Variants in NOLC1 observed in about 807,000 individuals in gnomAD.
NOLC1 encodes the protein 140 kDa nucleolar phosphoprotein.
In NOLC1, 37 loss-of-function variants were observed where a neutral mutation model predicts 73.4. The observed-to-expected ratio is 0.50, with a 90% CI of 0.39 to 0.66. The LOEUF (loss-of-function observed/expected upper bound fraction) is 0.66, where lower values mean the gene tolerates loss of function less well. Ranked by LOEUF, NOLC1 falls within the 30% of genes least tolerant of loss-of-function variation. NOLC1 has a pLI of 0.00. For synonymous variants in NOLC1, 327 were observed against 302.6 expected (o/e 1.08, Z -0.84); for missense variants, 921 against 838.9 (o/e 1.10, Z -1.21).
intron 1 of NOLC1, 74 bp downstream of exon 1, chr10:102,152,604 C>T (rs757586785): frequency 4.4e-6 from 7 of 1,593,786 alleles, no homozygotes; most frequent in Non-Finnish European, 6.0e-6. Flanking sequence ...GCTTAGGTTT[C>T]CAGGTGGGGA....
rs2069629308 is a variant in NOLC1, at chr10:102,158,115, G to C, written c.508G>C (p.Asp170His). The C allele has an allele frequency of 6.2e-7, 1 of 1,614,054 alleles. No homozygotes were observed. Among genetic ancestry groups the C allele is most frequent in the South Asian group, 1.1e-5 (1 of 91,084 alleles). The change falls in exon 5 of 13, where the codon GAT (aspartate) becomes CAT (histidine). Residue 170 changes from aspartate (D) to histidine (H), a missense_variant. Physicochemically the swap from Asp to His is moderately conservative, Grantham distance 81. Coordinates refer to ENST00000605788, the MANE Select transcript of NOLC1 (RefSeq NM_004741.5). Reference sequence around the variant, plus strand: ...TAAGAAGGCCAAGAGCTCTGATTCTGATTCTGACTCAAGCTCCGAGGATGA... The same window carrying C: ...TAAGAAGGCCAAGAGCTCTGATTCTCATTCTGACTCAAGCTCCGAGGATGA... ...PPKKAKSSDS[D>H]SDSSSEDEPP...
rs778830089 is a variant in NOLC1 at position 102,161,636 on chromosome 10, C to T, written c.1822C>T (p.Pro608Ser). Reference protein sequence around the residue: ...PQAKKIKLQTPNTFPKRKKGE... With the variant: ...PQAKKIKLQTSNTFPKRKKGE... ...GGCCAAGAAGATAAAGCTTCAGACCCCTAACACATTTCCAAAAAGGAAGAA... is the reference window on the plus strand; with the variant it reads ...GGCCAAGAAGATAAAGCTTCAGACCTCTAACACATTTCCAAAAAGGAAGAA... The change falls in exon 11 of 13, where the codon CCT (proline) becomes TCT (serine). Residue 608 changes from proline (P) to serine (S), a missense_variant. Pro to Ser is a moderately conservative substitution (Grantham distance 74). Transcript: ENST00000605788. The T allele has an allele frequency of 1.2e-6, 2 of 1,613,814 alleles. No homozygotes were observed. The highest frequency in any genetic ancestry group is 1.7e-6 in the Non-Finnish European group (2 of 1,179,802).
chr10:102,157,111 C>T, intron 2 of NOLC1, 37 bp downstream of exon 2: 1 of 1,613,994 alleles, frequency 6.2e-7, no homozygotes, highest in Non-Finnish European at 8.5e-7. Flanking sequence ...TATTTTCTCC[C>T]CCAAGATAGG....
chr10:102,157,398 C>T (rs753775303), intron 3 of NOLC1, 33 bp from the exon 4 acceptor site: 22 of 1,613,676 alleles, frequency 1.4e-5, no homozygotes, highest in Admixed American at 5.0e-5. Context: ...TTTCACATGG[C>T]TGATTCTTAC....
At chr10:102,156,119 C>T (rs965103750) in intron 1 of NOLC1, among the ~76,000 whole-genome samples, 14 of 152,286 alleles carry the variant, frequency 9.2e-5, no homozygotes, top group East Asian at 3.9e-4. Flanking sequence ...GGATTATAGG[C>T]GTGAGCCACT....
intron 7 of NOLC1, 67 bp downstream of exon 7, chr10:102,159,635 C>T (rs1174659421): frequency 1.4e-5 from 21 of 1,517,170 alleles, no homozygotes; most frequent in Non-Finnish European, 4.5e-6. Context: ...ACCACATGGA[C>T]CTCTCCATAG....
rs898854827 is a variant in NOLC1, at chr10:102,162,467, G to T, written c.*198G>T. The T allele has an allele frequency of 4.6e-6, 2 of 438,598 alleles. No individual in the cohort carries two copies. The highest frequency in any genetic ancestry group is 7.9e-6 in the Non-Finnish European group (2 of 253,126). 27.2% of individuals were successfully genotyped at this position (438,598 alleles called of 1,614,324 possible). On this transcript the variant is annotated 3_prime_UTR_variant, in exon 13 of 13. Coordinates refer to ENST00000605788, the MANE Select transcript of NOLC1 (RefSeq NM_004741.5). ...GTTTTGTACAGACTTGTTTTTGAGT[G>T]TTGAGTAGCAGGGACAAAATAAGGG...
chr10:102,159,100 G>T, intron 5 of NOLC1, 93 bp from the exon 6 acceptor site: 1 of 851,988 alleles, frequency 1.2e-6, no homozygotes, highest in Non-Finnish European at 1.8e-6. Context: ...AAAAATGGTG[G>T]ACTCCTAAGT....
intron 4 of NOLC1, among the ~76,000 whole-genome samples, chr10:102,157,806 A>G (rs1479623685): frequency 6.6e-6 from 1 of 152,108 alleles, no homozygotes; most frequent in African/African-American, 2.4e-5. Flanking sequence ...CTTCTGGGAC[A>G]CTATTCAGGG....
chr10:102,160,043 G>T lies in NOLC1; in HGVS notation c.988+19G>T, dbSNP rs761500293. On this transcript the variant is annotated intron_variant, in intron 8 of 12. Transcript: ENST00000605788. ...GAGTCTGGTGAGTCAGAGGGATGCA[G>T]CCTCCCCTCAGCGTGGGTCTGGAGG... 2.5e-6 allele frequency: 4 copies of T among 1,609,838 alleles called. No individual in the cohort carries two copies. The highest frequency in any genetic ancestry group is 3.4e-6 in the Non-Finnish European group (4 of 1,177,880).
Position 102,160,647 on chromosome 10 carries a change from C to T in NOLC1, c.1295C>T (p.Ser432Phe), listed in dbSNP as rs1331019439. 4.3e-6 allele frequency: 7 copies of T among 1,614,094 alleles called. No individual in the cohort carries two copies. Among genetic ancestry groups the T allele is most frequent in the Non-Finnish European group, 5.9e-6 (7 of 1,179,988 alleles). ...AGCTCCAGTGAGGAAGAGAGCAGCT[C>T]CAGTGAGGAGGAGAAGACAAAGAAG... ...DSSSSEEESS[S>F]SEEEKTKKMV... The change falls in exon 10 of 13, where the codon TCC (serine) becomes TTC (phenylalanine). Residue 432 changes from serine (S) to phenylalanine (F), a missense_variant. By Grantham distance (155) the Ser-to-Phe change is radical. Coordinates refer to ENST00000605788, the MANE Select transcript of NOLC1 (RefSeq NM_004741.5).
rs770140181 is a variant in NOLC1 at position 102,159,459 on chromosome 10, C to T, written c.750C>T (p.Ala250=). ...KKTVPKKQVV[A]KAPVKAATTP... The stretch of plus-strand genomic sequence containing the variant: ...CTGTACCTAAAAAGCAAGTTGTGGC[C>T]AAGGCCCCAGTGAAAGCAGCTACCA... The change falls in exon 7 of 13, where the codon GCC becomes GCT. Residue 250 remains alanine, a synonymous_variant. Transcript: ENST00000605788. 3 of 1,614,086 alleles carry T rather than the reference C, an allele frequency of 1.9e-6. No homozygotes were observed. The highest frequency in any genetic ancestry group is 1.7e-6 in the Non-Finnish European group (2 of 1,180,022).
chr10:102,155,498 C>T (rs2069580753), intron 1 of NOLC1, among the ~76,000 whole-genome samples: 1 of 150,384 alleles, frequency 6.6e-6, no homozygotes, highest in Non-Finnish European at 1.5e-5. Context: ...GTTAGCGTAC[C>T]TGCGCCCGGC....
chr10:102,152,396 C>T lies in NOLC1; in HGVS notation c.-15C>T. The T allele has an allele frequency of 2.5e-6, 4 of 1,607,562 alleles. No homozygotes were observed. The highest frequency in any genetic ancestry group is 4.5e-5 in the East Asian group (2 of 44,882). ...TGCTGCGTCGACAACGGTAGTGACGCGTATTGCCTGGAGGATGGCGGACGC... is the reference window on the plus strand; with the variant it reads ...TGCTGCGTCGACAACGGTAGTGACGTGTATTGCCTGGAGGATGGCGGACGC... On this transcript the variant is annotated 5_prime_UTR_variant, in exon 1 of 13. Transcript: ENST00000605788.
intron 1 of NOLC1, among the ~76,000 whole-genome samples, chr10:102,153,298 G>A (rs2069536796): frequency 6.6e-6 from 1 of 152,228 alleles, no homozygotes; most frequent in African/African-American, 2.4e-5. Context: ...TCTTGTAAAA[G>A]TGAAAGCTGT....
At chr10:102,159,079 A>G in intron 5 of NOLC1, 114 bp from the exon 6 acceptor site, 1 of 1,086,558 alleles carries the variant, frequency 9.2e-7, no homozygotes, top group East Asian at 2.6e-5. Context: ...AAAAAAAAAA[A>G]AAAAAAAAAA....
At chr10:102,160,169 T>G in intron 8 of NOLC1, 64 bp from the exon 9 acceptor site, 1 of 1,595,732 alleles carries the variant, frequency 6.3e-7, no homozygotes, top group Admixed American at 1.7e-5. Context: ...TTTGCATTCT[T>G]TTTATTGCTG....
At position 102,161,081 on chromosome 10, in the gene NOLC1, G is replaced by A. The variant is rs113775074; in HGVS notation, c.1729G>A (p.Val577Ile). 821 of 1,607,910 alleles carry A rather than the reference G, an allele frequency of 5.1e-4. 6 individuals are homozygous for A. In the African/African-American group the frequency reaches 9.7e-3, roughly 19 times the overall value. The change falls in exon 10 of 13, where the codon GTT becomes ATT. Residue 577 changes from valine to isoleucine, a missense_variant. Transcript: ENST00000605788. ...AGAAAAGAAAAAGGCGGCAGTGGTA[G>A]TTTCCAAATCAGGTCTGTACCCAAT... ...EEEKKKAAVV[V>I]SKSGSLKKRK... is the part of the protein sequence containing the mutation.
rs766629544 is a variant in NOLC1, at chr10:102,159,943, T to G, written c.907T>G (p.Ser303Ala). 12 of 1,609,570 alleles carry G rather than the reference T, an allele frequency of 7.5e-6. No individual in the cohort carries two copies. Among genetic ancestry groups the G allele is most frequent in the African/African-American group, 4.0e-5 (3 of 74,726 alleles). ...GCCTTCTGCTCCCCCACCAAAGAAG[T>G]CTCTGGGAACCCAGCCTCCCAAGAA... ...PPPSAPPPKK[S>A]LGTQPPKKAV... Residue 303 changes from serine (S) to alanine (A), a missense_variant, in exon 8 of 13, where the codon TCT becomes GCT. Physicochemically the swap from Ser to Ala is moderately conservative, Grantham distance 99. Coordinates refer to ENST00000605788, the MANE Select transcript of NOLC1 (RefSeq NM_004741.5).
Sources: gnomAD v4.1 joint callset for allele counts (sites outside exome capture counted in the v4.1 genomes callset) on GRCh38, gnomAD v4.1.1 for gene constraint, MANE v1.5 for transcripts, NCBI Gene and HGNC (gene_info 2026-07-23, HGNC 2026-07-21) for gene names.